Variants in ARHGAP40 observed in about 807,000 individuals in gnomAD.
ARHGAP40 encodes rho GTPase-activating protein 40.
A neutral mutation model predicts 73.5 loss-of-function variants in ARHGAP40; 43 were observed. The ratio of observed to expected loss-of-function variants is 0.58; its 90% confidence interval spans 0.46 to 0.75. The LOEUF (loss-of-function observed/expected upper bound fraction) is 0.75, where lower values mean the gene tolerates loss of function less well. ARHGAP40 is among the 30% of genes least tolerant of loss of function. The pLI is 0.00. For missense variants in ARHGAP40, 734 were observed against 861.8 expected (o/e 0.85, Z 1.86); for synonymous variants, 300 against 352.8 (o/e 0.85, Z 1.68).
intron 1 of ARHGAP40, among the ~76,000 whole-genome samples, chr20:38,614,146 C>A (rs1421020962): frequency 6.6e-6 from 1 of 152,080 alleles, no homozygotes; most frequent in African/African-American, 2.4e-5. Flanking sequence ...CAGAGGGGCA[C>A]CATTTACGTA....
intron 1 of ARHGAP40, among the ~76,000 whole-genome samples, chr20:38,616,932 G>A (rs1214815312): frequency 2.2e-5 from 2 of 92,254 alleles, no homozygotes; most frequent in Non-Finnish European, 4.6e-5. Context: ...TGAGCTTGAG[G>A]AACTTTATTT....
chr20:38,601,882 G>T, exon 1 of ARHGAP40: 1 of 1,284,956 alleles, frequency 7.8e-7, no homozygotes, highest in Non-Finnish European at 1.0e-6. Context: ...TCACATTGCC[G>T]ATCGAGTCAG....
chr20:38,644,023 C>A (rs2089036515), intron 11 of ARHGAP40, 113 bp downstream of exon 11: 4 of 956,736 alleles, frequency 4.2e-6, no homozygotes, highest in Admixed American at 3.6e-5. Flanking sequence ...CTTCCAGGAC[C>A]TTTGTTGGCC....
chr20:38,645,313 T>C (rs540350616), intron 11 of ARHGAP40, among the ~76,000 whole-genome samples: 18 of 152,328 alleles, frequency 1.2e-4, no homozygotes, highest in African/African-American at 4.1e-4. Context: ...TTTGAGATAA[T>C]GTTGCTACTG....
chr20:38,637,790 C>A, exon 7 of ARHGAP40: 1 of 1,305,130 alleles, frequency 7.7e-7, no homozygotes. Flanking sequence ...TCCCGCTGGT[C>A]CTTCAAGCCG....
chr20:38,649,660 C>A lies in ARHGAP40; in HGVS notation c.1937-97C>A. On this transcript the variant is annotated intron_variant, in intron 14 of 14. Transcript: ENST00000373345. ...GCTGTAGCAGTCAAGATGCATACAG[C>A]CAGGGGACAGTGCACTGCCTGGTGA... 9 of 689,536 alleles carry A rather than the reference C, an allele frequency of 1.3e-5. No individual in the cohort carries two copies. The South Asian group carries it at 1.4e-4, about 11-fold the overall frequency. The allele number at this position is 689,536 out of a possible 1,614,324, so 42.7% of individuals were successfully genotyped here.
intron 1 of ARHGAP40, among the ~76,000 whole-genome samples, chr20:38,604,536 C>T (rs1028981864): frequency 1.3e-5 from 2 of 151,880 alleles, no homozygotes; most frequent in African/African-American, 4.8e-5. Flanking sequence ...GCTAGGATTA[C>T]AGGCGTGCGC....
In ARHGAP40 at chr20:38,625,902, G is replaced by A. The variant is rs139091420; in HGVS notation, c.338-1093G>A. Among the ~76,000 whole-genome samples, 1,342 of 152,300 alleles carry A rather than the reference G, an allele frequency of 8.8e-3. 11 individuals are homozygous for A. The highest frequency in any genetic ancestry group is 0.014 in the Non-Finnish European group (946 of 68,036). Reference sequence around the variant, plus strand: ...GCCCATGATTAAGGGGATATATTTGGTAAGGAATTTTACAGGGACAATTAG... The same window carrying A: ...GCCCATGATTAAGGGGATATATTTGATAAGGAATTTTACAGGGACAATTAG... On this transcript the variant is annotated intron_variant, in intron 2 of 14. Transcript: ENST00000373345.
exon 11 of ARHGAP40, chr20:38,643,800 C>T: frequency 7.7e-7 from 1 of 1,305,772 alleles, no homozygotes; most frequent in Non-Finnish European, 1.0e-6. Context: ...TAACCTCTTT[C>T]TGCACCAAGG....
chr20:38,632,504 G>A (rs890147633), intron 5 of ARHGAP40, among the ~76,000 whole-genome samples: 7 of 151,778 alleles, frequency 4.6e-5, no homozygotes, highest in East Asian at 2.0e-4. Flanking sequence ...TTCGTGATCC[G>A]CCAGCCTCGG....
At chr20:38,624,204 T>A (rs1313663003) in intron 2 of ARHGAP40, among the ~76,000 whole-genome samples, 10 of 152,086 alleles carry the variant, frequency 6.6e-5, no homozygotes, top group Admixed American at 6.5e-4. Flanking sequence ...TGGTGGTGGA[T>A]GTGACCATCA....
At chr20:38,608,713 A>G (rs1448082789) in intron 1 of ARHGAP40, among the ~76,000 whole-genome samples, 1 of 152,150 alleles carries the variant, frequency 6.6e-6, no homozygotes, top group Non-Finnish European at 1.5e-5. Context: ...TGGGGCGGTG[A>G]AAAAGGGCCA....
At chr20:38,629,674 G>C in intron 5 of ARHGAP40, 24 bp downstream of exon 5, 1 of 1,303,506 alleles carries the variant, frequency 7.7e-7, no homozygotes, top group Non-Finnish European at 1.0e-6. Context: ...CCACAGGGCT[G>C]GTTGGCTAGG....
intron 11 of ARHGAP40, among the ~76,000 whole-genome samples, chr20:38,644,584 C>T (rs1601151484): frequency 6.6e-6 from 1 of 151,526 alleles, no homozygotes; most frequent in Non-Finnish European, 1.5e-5. Flanking sequence ...TCCATCCATC[C>T]ACCCACCCAT....
intron 9 of ARHGAP40, among the ~76,000 whole-genome samples, chr20:38,640,218 C>CTT (rs1332037073): frequency 1.4e-4 from 13 of 91,134 alleles, no homozygotes; most frequent in African/African-American, 4.5e-4. Flanking sequence ...TTCTTTCTTT[C>CTT]TTTTTTTTTT....
At chr20:38,636,002 A>G (rs567154741) in intron 6 of ARHGAP40, among the ~76,000 whole-genome samples, 25 of 152,166 alleles carry the variant, frequency 1.6e-4, no homozygotes, top group African/African-American at 5.8e-4. Context: ...GGATGTTCTT[A>G]TGGTGACAGC....
At chr20:38,632,704 G>A (rs1028200724) in intron 5 of ARHGAP40, among the ~76,000 whole-genome samples, 7 of 152,150 alleles carry the variant, frequency 4.6e-5, no homozygotes, top group African/African-American at 1.2e-4. Context: ...GGCCAGGCAT[G>A]GTGGCGCACA....
At chr20:38,626,884 C>A in intron 2 of ARHGAP40, 111 bp from the exon 3 acceptor site, 2 of 811,786 alleles carry the variant, frequency 2.5e-6, no homozygotes, top group African/African-American at 1.8e-5. Context: ...ATCAGATATG[C>A]AGAAACTCCT....
At position 38,629,010 on chromosome 20, in the gene ARHGAP40, G is replaced by C; in HGVS notation, c.634+8G>C. The C allele has an allele frequency of 1.5e-6, 2 of 1,304,224 alleles. No individual in the cohort carries two copies. Among genetic ancestry groups the C allele is most frequent in the African/African-American group, 3.0e-5 (2 of 65,860 alleles). The allele number at this position is 1,304,224 out of a possible 1,614,324, so 80.8% of individuals were successfully genotyped here. ...CCTCTAAGTTTCCTCCAGGTAAGTG[G>C]TCTTCATTCTCCAGGGCCCTGAGAA... On this transcript the variant is annotated splice_region_variant and intron_variant, in intron 4 of 14. Transcript: ENST00000373345.
Sources: gnomAD v4.1 joint callset for allele counts (sites outside exome capture counted in the v4.1 genomes callset) on GRCh38, gnomAD v4.1.1 for gene constraint, MANE v1.5 for transcripts, NCBI Gene and HGNC (gene_info 2026-07-23, HGNC 2026-07-21) for gene names.